ANKRD30BL: variants seen among roughly 807,000 people sequenced by gnomAD.
ANKRD30BL encodes the protein putative ankyrin repeat domain-containing protein 30B-like.
In ANKRD30BL, 20 loss-of-function variants were observed where a neutral mutation model predicts 18.4. That is an observed-to-expected ratio of 1.09 (90% CI 0.77 to 1.58). The LOEUF is 1.58. Ranked by LOEUF, ANKRD30BL falls within the 40% of genes most tolerant of loss-of-function variation. ANKRD30BL has a pLI of 0.00. For missense variants in ANKRD30BL, 224 were observed against 268.6 expected (o/e 0.83, Z 1.16); for synonymous variants, 72 against 100.9 (o/e 0.71, Z 1.72).
chr2:132,222,263 C>T (rs1188072498), intron 1 of ANKRD30BL, among the ~76,000 whole-genome samples: 18 of 150,012 alleles, frequency 1.2e-4, no homozygotes, highest in Non-Finnish European at 2.1e-4. Flanking sequence ...AGGTGAGGGG[C>T]GCTTCTGCCC....
rs1390496550 is a variant in ANKRD30BL at position 132,221,797 on chromosome 2, CCGCCCCG to C, written n.441+35725_441+35731del. ...GTGAGGAGCCCCTCTGCCCGGCCAG[CCGCCCCG>C]TCCGGGAGGGAGGTGGGGGGGTCAG... On this transcript the variant is annotated intron_variant and non_coding_transcript_variant, in intron 1 of 4. Transcript: ENST00000470729. Among the ~76,000 whole-genome samples, 14 of 116,554 alleles carry C rather than the reference CCGCCCCG, an allele frequency of 1.2e-4. No homozygotes were observed. The South Asian group carries it at 3.5e-3, about 29-fold the overall frequency. The allele number at this position is 116,554 out of a possible 152,430, so 76.5% of individuals were successfully genotyped here.
chr2:132,184,280 T>C (rs1233098851), intron 1 of ANKRD30BL, among the ~76,000 whole-genome samples: 1 of 152,156 alleles, frequency 6.6e-6, no homozygotes, highest in Non-Finnish European at 1.5e-5. Context: ...TCAGCAAAAT[T>C]CTATTATTGA....
At chr2:132,236,380 C>A (rs1330070578) in intron 1 of ANKRD30BL, among the ~76,000 whole-genome samples, 2 of 152,022 alleles carry the variant, frequency 1.3e-5, no homozygotes, top group African/African-American at 4.8e-5. Flanking sequence ...ACTCATCTGA[C>A]AAAGGGCTAA....
At position 132,185,829 on chromosome 2, in the gene ANKRD30BL, T is replaced by C. The variant is rs572218835; in HGVS notation, n.442-28683A>G. On this transcript the variant is annotated intron_variant and non_coding_transcript_variant, in intron 1 of 4. Coordinates refer to the ANKRD30BL transcript ENST00000470729. ...CATTCACATGGATTACTAGGAAAAC[T>C]AAATTATCCTTTCAAAATAATTAAA... Among the ~76,000 whole-genome samples the C allele has an allele frequency of 2.0e-5, 3 of 152,262 alleles. No homozygotes were observed. The South Asian group carries it at 6.2e-4, about 32-fold the overall frequency.
intron 1 of ANKRD30BL, among the ~76,000 whole-genome samples, chr2:132,192,150 A>C (rs1016455360): frequency 3.3e-5 from 5 of 152,200 alleles, no homozygotes; most frequent in African/African-American, 7.2e-5. Flanking sequence ...ATAAAAATAC[A>C]AACTCATAAA....
chr2:132,242,041 G>A (rs1680350809), intron 1 of ANKRD30BL, among the ~76,000 whole-genome samples: 1 of 151,572 alleles, frequency 6.6e-6, no homozygotes, highest in Non-Finnish European at 1.5e-5. Context: ...GTAAAAAGTA[G>A]ACAGAAGCAT....
intron 1 of ANKRD30BL, among the ~76,000 whole-genome samples, chr2:132,218,573 A>G (rs1679577174): frequency 6.6e-6 from 1 of 152,288 alleles, no homozygotes; most frequent in African/African-American, 2.4e-5. Context: ...CTCTTTTTGC[A>G]GAATCTCCAA....
At chr2:132,173,460 ATTTTGGT>A (rs2104942580) in intron 1 of ANKRD30BL, among the ~76,000 whole-genome samples, 1 of 151,790 alleles carries the variant, frequency 6.6e-6, no homozygotes, top group South Asian at 2.1e-4. Flanking sequence ...CGCCCGGCTA[ATTTTGGT>A]TTTGTACTTT....
intron 1 of ANKRD30BL, among the ~76,000 whole-genome samples, chr2:132,177,132 T>C (rs1160272573): frequency 1.3e-5 from 2 of 152,082 alleles, no homozygotes; most frequent in African/African-American, 4.8e-5. Context: ...CTTTTTGCCA[T>C]TTCCTTAGCC....
At chr2:132,225,204 A>G (rs578009574) in intron 1 of ANKRD30BL, among the ~76,000 whole-genome samples, 4 of 152,100 alleles carry the variant, frequency 2.6e-5, no homozygotes, top group African/African-American at 9.6e-5. Flanking sequence ...TTCTGTGTGC[A>G]TTCAGCTCAC....
At chr2:132,235,823 A>G (rs1680137140) in intron 1 of ANKRD30BL, among the ~76,000 whole-genome samples, 1 of 152,144 alleles carries the variant, frequency 6.6e-6, no homozygotes, top group Non-Finnish European at 1.5e-5. Flanking sequence ...TTCTTCACAC[A>G]ATTGGAAAAA....
chr2:132,233,162 C>A (rs923243050), intron 1 of ANKRD30BL, among the ~76,000 whole-genome samples: 13 of 151,348 alleles, frequency 8.6e-5, no homozygotes, highest in Non-Finnish European at 5.9e-5. Context: ...ACCAGGCCTG[C>A]CCTAAAAGAG....
At chr2:132,183,767 A>G (rs560094988) in intron 1 of ANKRD30BL, among the ~76,000 whole-genome samples, 2 of 152,308 alleles carry the variant, frequency 1.3e-5, no homozygotes, top group African/African-American at 4.8e-5. Context: ...ATATGTGCAT[A>G]TACATGCATA....
chr2:132,151,727 T>G (rs1027960838), intron 4 of ANKRD30BL, among the ~76,000 whole-genome samples: 1 of 152,152 alleles, frequency 6.6e-6, no homozygotes, highest in Non-Finnish European at 1.5e-5. Context: ...CTTTGTGGCT[T>G]GTAATTCAGA....
intron 1 of ANKRD30BL, among the ~76,000 whole-genome samples, chr2:132,253,751 CCTTAAACCT>C (rs1435004210): frequency 1.3e-5 from 2 of 151,876 alleles, no homozygotes; most frequent in African/African-American, 2.4e-5. Flanking sequence ...CTCAAGGGGT[CCTTAAACCT>C]CTGCACCAGA....
Position 132,160,401 on chromosome 2 carries a change from CTTTTTT to C in ANKRD30BL, c.218+1081_218+1086del, listed in dbSNP as rs33924872. On this transcript the variant is annotated intron_variant, in intron 1 of 5. Transcript: ENST00000409867. Reference sequence around the variant, plus strand: ...CAGGCATGAGCCACGACGCCTGGCCCTTTTTTTTTTTTTTTTTCAAATTTTATTTAT... The same window carrying C: ...CAGGCATGAGCCACGACGCCTGGCCCTTTTTTTTTTTCAAATTTTATTTAT... 1.5e-3 allele frequency among the ~76,000 whole-genome samples: 145 copies of C among 97,576 alleles called. 1 individual carries two copies. The highest frequency in any genetic ancestry group is 6.2e-3 in the African/African-American group (143 of 23,080). 64.0% of individuals were successfully genotyped at this position (97,576 alleles called of 152,430 possible).
intron 1 of ANKRD30BL, among the ~76,000 whole-genome samples, chr2:132,228,117 T>G (rs1387263373): frequency 6.6e-6 from 1 of 152,100 alleles, no homozygotes; most frequent in Non-Finnish European, 1.5e-5. Context: ...ACAGAAGCAT[T>G]CTTAGAAACT....
chr2:132,250,077 G>C (rs891472805), intron 1 of ANKRD30BL, among the ~76,000 whole-genome samples: 1 of 151,694 alleles, frequency 6.6e-6, no homozygotes, highest in Non-Finnish European at 1.5e-5. Context: ...TCAATCAAAA[G>C]AATGGTTTAA....
intron 1 of ANKRD30BL, among the ~76,000 whole-genome samples, chr2:132,202,156 G>T (rs190670750): frequency 1.9e-4 from 28 of 145,126 alleles, no homozygotes; most frequent in African/African-American, 6.9e-4. Flanking sequence ...GTGGAGGCAG[G>T]GGGGAGGGAT....
Sources: allele counts gnomAD v4.1 joint callset (sites outside exome capture counted in the v4.1 genomes callset), GRCh38; gene constraint gnomAD v4.1.1; transcripts MANE v1.5; gene names NCBI Gene and HGNC (gene_info 2026-07-23, HGNC 2026-07-21).